Variants in MMP26 observed in about 807,000 individuals in gnomAD.
The protein encoded by MMP26 is matrix metalloproteinase-26.
A neutral mutation model predicts 31.0 loss-of-function variants in MMP26; 33 were observed. The ratio of observed to expected loss-of-function variants is 1.06; its 90% confidence interval spans 0.81 to 1.42. The LOEUF is 1.42. Among genes scored for constraint, MMP26 ranks in the 40% most tolerant of loss-of-function variants. The pLI is 0.00. For synonymous variants in MMP26, 122 were observed against 114.9 expected (o/e 1.06, Z -0.40); for missense variants, 347 against 316.1 (o/e 1.10, Z -0.74).
intron 2 of MMP26, chr11:4,821,483 G>C (rs1354135562): frequency 3.1e-6 from 5 of 1,612,816 alleles, no homozygotes; most frequent in Non-Finnish European, 4.2e-6. Context: ...GGCATTCCAG[G>C]CCTGAAAGCC....
intron 2 of MMP26, among the ~76,000 whole-genome samples, chr11:4,975,172 C>T (rs1473697904): frequency 1.3e-5 from 2 of 151,870 alleles, no homozygotes; most frequent in African/African-American, 4.8e-5. Flanking sequence ...AAATTACATG[C>T]AAACAAACAA....
At chr11:4,792,123 A>G (rs1849035709) in intron 2 of MMP26, among the ~76,000 whole-genome samples, 1 of 152,010 alleles carries the variant, frequency 6.6e-6, no homozygotes, top group South Asian at 2.1e-4. Context: ...AAGAGGGTTT[A>G]ATAAGTTAGT....
intron 2 of MMP26, among the ~76,000 whole-genome samples, chr11:4,807,072 A>G (rs724725): frequency 0.091 from 13,808 of 152,226 alleles, 836 homozygotes; most frequent in Middle Eastern, 0.16. Flanking sequence ...AAATAAATAA[A>G]TAAATAATTG....
intron 2 of MMP26, among the ~76,000 whole-genome samples, chr11:4,910,719 G>A (rs1415765817): frequency 1.3e-5 from 2 of 152,070 alleles, no homozygotes; most frequent in African/African-American, 4.8e-5. Flanking sequence ...GGATACATAT[G>A]TCTGCACATC....
At chr11:4,778,698 A>G (rs1466854083) in intron 2 of MMP26, among the ~76,000 whole-genome samples, 1 of 152,050 alleles carries the variant, frequency 6.6e-6, no homozygotes, top group East Asian at 1.9e-4. Context: ...CCATTTTTGA[A>G]AGAACTTACT....
chr11:4,707,850 G>A (rs1847801454), intron 1 of MMP26, among the ~76,000 whole-genome samples: 1 of 152,118 alleles, frequency 6.6e-6, no homozygotes, highest in Non-Finnish European at 1.5e-5. Context: ...TTCTGGCTCT[G>A]AGATCGTAGG....
At chr11:4,774,815 G>A (rs980597171) in intron 2 of MMP26, among the ~76,000 whole-genome samples, 1 of 152,106 alleles carries the variant, frequency 6.6e-6, no homozygotes, top group Non-Finnish European at 1.5e-5. Flanking sequence ...TAAGATGTGA[G>A]GAAGGGGTCC....
chr11:4,775,752 G>GAA (rs1457735877), intron 2 of MMP26, among the ~76,000 whole-genome samples: 2 of 151,390 alleles, frequency 1.3e-5, no homozygotes. Context: ...GTGAGTGAGA[G>GAA]AGAGAGAGAG....
intron 2 of MMP26, among the ~76,000 whole-genome samples, chr11:4,983,850 T>G (rs1277561429): frequency 6.6e-6 from 1 of 152,216 alleles, no homozygotes; most frequent in Non-Finnish European, 1.5e-5. Context: ...ATTTAGAATA[T>G]TAGGCTTATT....
intron 2 of MMP26, among the ~76,000 whole-genome samples, chr11:4,974,299 A>C (rs1025586964): frequency 6.8e-6 from 1 of 146,222 alleles, no homozygotes; most frequent in Non-Finnish European, 1.5e-5. Context: ...ATTCAGCTGA[A>C]AAAAAAGGTC....
chr11:4,742,492 G>A (rs759997193), intron 1 of MMP26, among the ~76,000 whole-genome samples: 3 of 152,110 alleles, frequency 2.0e-5, no homozygotes, highest in Non-Finnish European at 4.4e-5. Flanking sequence ...GTCGCCGGAT[G>A]CCTAGATATA....
chr11:4,783,227 C>T (rs942644902), intron 2 of MMP26, among the ~76,000 whole-genome samples: 4 of 152,214 alleles, frequency 2.6e-5, no homozygotes, highest in African/African-American at 9.6e-5. Context: ...CTTGTAAGGC[C>T]ACAGGGGCAG....
At chr11:4,911,750 C>G (rs1213701833) in intron 2 of MMP26, among the ~76,000 whole-genome samples, 3 of 152,196 alleles carry the variant, frequency 2.0e-5, no homozygotes, top group Non-Finnish European at 2.9e-5. Context: ...CAATCGCTCT[C>G]AACCCATTAC....
chr11:4,765,746 A>G (rs1348428563), intron 1 of MMP26, among the ~76,000 whole-genome samples: 2 of 152,038 alleles, frequency 1.3e-5, no homozygotes, highest in Admixed American at 1.3e-4. Context: ...AGATGCTGGT[A>G]TCATTTTCAC....
At chr11:4,769,999 A>G (rs1848695506) in intron 2 of MMP26, 5 of 704,294 alleles carry the variant, frequency 7.1e-6, no homozygotes, top group Non-Finnish European at 1.2e-5. Flanking sequence ...TAAAATATTT[A>G]GATACATTTT....
At chr11:4,723,482 G>A (rs1312327086) in intron 1 of MMP26, 3 of 1,106,826 alleles carry the variant, frequency 2.7e-6, no homozygotes, top group South Asian at 2.5e-5. Flanking sequence ...TGGGACTGCA[G>A]CTCTGGGATC....
intron 2 of MMP26, among the ~76,000 whole-genome samples, chr11:4,884,116 A>G (rs1025800812): frequency 3.3e-5 from 5 of 152,156 alleles, no homozygotes; most frequent in South Asian, 2.1e-4. Context: ...CAATAATCAC[A>G]TATCATTTAT....
intron 2 of MMP26, among the ~76,000 whole-genome samples, chr11:4,910,006 C>A (rs1850965034): frequency 6.6e-6 from 1 of 151,968 alleles, no homozygotes; most frequent in African/African-American, 2.4e-5. Context: ...TTCTGCATAA[C>A]AAATTATTAA....
chr11:4,814,004 A>G (rs1052101526), intron 2 of MMP26, among the ~76,000 whole-genome samples: 6 of 152,228 alleles, frequency 3.9e-5, no homozygotes, highest in South Asian at 2.1e-4. Flanking sequence ...GAGGTAGACA[A>G]AGGGTCAATG....
Sources: gnomAD v4.1 joint callset for allele counts (sites outside exome capture counted in the v4.1 genomes callset) on GRCh38, gnomAD v4.1.1 for gene constraint, MANE v1.5 for transcripts, NCBI Gene and HGNC (gene_info 2026-07-23, HGNC 2026-07-21) for gene names.